Variants in TEX12 observed in about 807,000 individuals in gnomAD.
The protein encoded by TEX12 is testis expressed 12.
A neutral mutation model predicts 14.6 loss-of-function variants in TEX12; 7 were observed. The observed-to-expected ratio is 0.48, with a 90% CI of 0.27 to 0.90. TEX12 has a LOEUF of 0.90. Among genes scored for constraint, TEX12 ranks in the 40% least tolerant of loss-of-function variants. The probability of loss-of-function intolerance (pLI) is 0.12; values close to 1 mark genes in which losing one functional copy is unlikely to be tolerated. For missense variants in TEX12, 121 were observed against 135.7 expected (o/e 0.89, Z 0.54); for synonymous variants, 57 against 49.1 (o/e 1.16, Z -0.67).
rs769891692 is a variant in TEX12, at chr11:112,172,553, A to AC, written c.*639dup. On this transcript the variant is annotated 3_prime_UTR_variant, in exon 5 of 5. Transcript: ENST00000280358. ...GTAAAATAAAAACCAGAAATTACTC[A>AC]CCAGAACCTTGTATGAGTTGGCTTT... 14 of 152,196 alleles carry AC rather than the reference A, an allele frequency of 9.2e-5. No individual in the cohort carries two copies. The highest frequency in any genetic ancestry group is 1.8e-4 in the Non-Finnish European group (12 of 68,006). The allele number at this position is 152,196 out of a possible 1,614,324, so 9.4% of individuals were successfully genotyped here. A position where few individuals can be genotyped will look rare whatever the true frequency, so the allele number is the denominator to read the frequency against.
intron 1 of TEX12, among the ~76,000 whole-genome samples, chr11:112,167,792 C>G (rs971060614): frequency 2.6e-5 from 4 of 151,962 alleles, no homozygotes; most frequent in African/African-American, 9.7e-5. Context: ...TGAGCCATGA[C>G]AGGAAAACGA....
At position 112,170,468 on chromosome 11, in the gene TEX12, C is replaced by T; in HGVS notation, c.113C>T (p.Ser38Leu). Residue 38 changes from serine (S) to leucine (L), a missense_variant, in exon 3 of 5, where the codon TCA becomes TTA. Transcript: ENST00000280358. Reference sequence around the variant, plus strand: ...CTGTCCTCTCTTGGAAAATCAGATTCATCTTTCTCTGAAATTTCCGGACTA... The same window carrying T: ...CTGTCCTCTCTTGGAAAATCAGATTTATCTTTCTCTGAAATTTCCGGACTA... ...PQLSSLGKSD[S>L]SFSEISGLFY... The T allele has an allele frequency of 6.2e-7, 1 of 1,613,732 alleles. No individual in the cohort carries two copies. The highest frequency in any genetic ancestry group is 8.5e-7 in the Non-Finnish European group (1 of 1,179,816).
intron 1 of TEX12, among the ~76,000 whole-genome samples, chr11:112,168,962 G>T (rs1866759337): frequency 6.6e-6 from 1 of 152,196 alleles, no homozygotes. Flanking sequence ...GGGACTAGTA[G>T]GCTTGCACCA....
At position 112,170,536 on chromosome 11, in the gene TEX12, G is replaced by A. The variant is rs184402971; in HGVS notation, c.175+6G>A. On this transcript the variant is annotated splice_donor_region_variant and intron_variant, in intron 3 of 4. Transcript: ENST00000280358. ...CTTGGAGAAAGATTTAAATGGTGAT[G>A]TATAAAATGTTTATATTTCTAAACA... 1 of 1,595,784 alleles carries A rather than the reference G, an allele frequency of 6.3e-7. No individual in the cohort carries two copies. The highest frequency in any genetic ancestry group is 1.3e-5 in the African/African-American group (1 of 74,418).
At position 112,168,651 on chromosome 11, in the gene TEX12, A is replaced by G. The variant is rs190547735; in HGVS notation, c.-16-602A>G. ...ACTGCAACCTCCCTCTCCTGGGTTCAAGCGATTCTCTCACCTCAGCTTCCC... is the reference window on the plus strand; with the variant it reads ...ACTGCAACCTCCCTCTCCTGGGTTCGAGCGATTCTCTCACCTCAGCTTCCC... On this transcript the variant is annotated intron_variant, in intron 1 of 4. Coordinates refer to ENST00000280358, the MANE Select transcript of TEX12 (RefSeq NM_031275.4). Among the ~76,000 whole-genome samples, 851 of 152,062 alleles carry G rather than the reference A, an allele frequency of 5.6e-3. 13 individuals are homozygous for G. The highest frequency in any genetic ancestry group is 0.044 in the South Asian group (210 of 4,818).
intron 2 of TEX12, 140 bp downstream of exon 2, chr11:112,169,471 G>GTTCCTCCTATGTTGTA: frequency 6.2e-6 from 4 of 645,758 alleles, no homozygotes; most frequent in Non-Finnish European, 1.1e-5. Flanking sequence ...CTACAACATA[G>GTTCCTCCTATGTTGTA]GAGGAACTAT....
intron 1 of TEX12, among the ~76,000 whole-genome samples, chr11:112,168,415 G>T (rs1270546695): frequency 6.6e-6 from 1 of 151,762 alleles, no homozygotes; most frequent in Non-Finnish European, 1.5e-5. Flanking sequence ...GTGAGATCTC[G>T]GTTCTAATTT....
chr11:112,172,452 A>G lies in TEX12; in HGVS notation c.*536A>G, dbSNP rs1317290049. On this transcript the variant is annotated 3_prime_UTR_variant, in exon 5 of 5. Transcript: ENST00000280358. ...CATAACTGTGTGCTATTTCCATTTG[A>G]TTATTTTCACTATTAGTTATTATGT... 6.6e-6 allele frequency: 1 copy of G among 152,012 alleles called. No homozygotes were observed. Among genetic ancestry groups the G allele is most frequent in the African/African-American group, 2.4e-5 (1 of 41,432 alleles). 9.4% of individuals were successfully genotyped at this position (152,012 alleles called of 1,614,324 possible). A position where few individuals can be genotyped will look rare whatever the true frequency, so the allele number is the denominator to read the frequency against.
At position 112,169,264 on chromosome 11, in the gene TEX12, G is replaced by C; in HGVS notation, c.-5G>C. On this transcript the variant is annotated 5_prime_UTR_variant, in exon 2 of 5. Transcript: ENST00000280358. ...TCTAAGCTTTGTAGCTGGTGCCTTC[G>C]GAATATGATGGCAAATCACCTTGTA... 6.2e-7 allele frequency: 1 copy of C among 1,612,736 alleles called. No individual in the cohort carries two copies. The highest frequency in any genetic ancestry group is 8.5e-7 in the Non-Finnish European group (1 of 1,178,780).
At chr11:112,170,150 G>A (rs1030650248) in intron 2 of TEX12, among the ~76,000 whole-genome samples, 2 of 152,162 alleles carry the variant, frequency 1.3e-5, no homozygotes, top group African/African-American at 2.4e-5. Flanking sequence ...CTTTGGCCTA[G>A]GTGACAGAGC....
intron 1 of TEX12, among the ~76,000 whole-genome samples, chr11:112,168,717 A>G (rs1247659059): frequency 6.6e-6 from 1 of 151,958 alleles, no homozygotes; most frequent in African/African-American, 2.4e-5. Flanking sequence ...ACGCCTGGCT[A>G]ATGTTTGGAT....
chr11:112,169,348 T>C lies in TEX12; in HGVS notation c.63+17T>C. The C allele has an allele frequency of 6.3e-7, 1 of 1,589,592 alleles. No individual in the cohort carries two copies. Among genetic ancestry groups the C allele is most frequent in the Non-Finnish European group, 8.6e-7 (1 of 1,157,724 alleles). On this transcript the variant is annotated intron_variant, in intron 2 of 4. Transcript: ENST00000280358. ...GAATTGGAGGTAAGCTGTATGCCTA[T>C]GGAGCCTTAATCTTTTATTCTGTTT...
intron 2 of TEX12, 112 bp from the exon 3 acceptor site, chr11:112,170,307 C>T (rs1866774710): frequency 1.5e-6 from 1 of 686,110 alleles, no homozygotes; most frequent in Non-Finnish European, 2.4e-6. Context: ...TGCTTTCTAG[C>T]ATGTTTGCCT....
At chr11:112,170,813 T>G (rs1866781819) in intron 4 of TEX12, 139 bp downstream of exon 4, 1 of 607,724 alleles carries the variant, frequency 1.6e-6, no homozygotes, top group African/African-American at 1.9e-5. Context: ...CCTCAGTCCC[T>G]TATAATAGAT....
intron 1 of TEX12, among the ~76,000 whole-genome samples, 197 bp downstream of exon 1, chr11:112,167,684 AG>A (rs1866743348): frequency 6.6e-6 from 1 of 152,164 alleles, no homozygotes; most frequent in Non-Finnish European, 1.5e-5. Context: ...AGTAACAGCC[AG>A]GTCACTAAGC....
chr11:112,170,624 T>C lies in TEX12; in HGVS notation c.177T>C (p.Asp59=), dbSNP rs202187323. The C allele has an allele frequency of 4.5e-5, 72 of 1,611,492 alleles. No individual in the cohort carries two copies. The highest frequency in any genetic ancestry group is 5.4e-5 in the Non-Finnish European group (64 of 1,178,054). The part of the protein sequence containing the change: ...KDEALEKDLN[D]VSKEINLMLS... ...ACTTAAATGATTTTTCTTGAACAGA[T>C]GTGAGCAAGGAAATTAATCTAATGT... is the stretch of plus-strand genomic sequence containing the variant. Residue 59 remains aspartate (D), a splice_region_variant and synonymous_variant, in exon 4 of 5, where the codon GAT becomes GAC. Transcript: ENST00000280358.
chr11:112,171,925 C>A lies in TEX12; in HGVS notation c.*9C>A. 6.9e-7 allele frequency: 1 copy of A among 1,457,184 alleles called. No individual in the cohort carries two copies. Among genetic ancestry groups the A allele is most frequent in the Non-Finnish European group, 9.1e-7 (1 of 1,099,680 alleles). 90.3% of individuals were successfully genotyped at this position (1,457,184 alleles called of 1,614,324 possible). ...ACACATTACACAGATAAAATATATA[C>A]TTGAAATAAGCTGAGAATTTAAACC... is the stretch of plus-strand genomic sequence containing the variant. On this transcript the variant is annotated 3_prime_UTR_variant, in exon 5 of 5. Transcript: ENST00000280358.
At chr11:112,169,441 T>G (rs981847432) in intron 2 of TEX12, 110 bp downstream of exon 2, 20 of 807,112 alleles carry the variant, frequency 2.5e-5, no homozygotes, top group Non-Finnish European at 3.1e-5. Flanking sequence ...TGTATTCGTA[T>G]GCCCAGAGCT....
At chr11:112,169,208 G>A (rs1391072690) in intron 1 of TEX12, 45 bp from the exon 2 acceptor site, 2 of 1,283,302 alleles carry the variant, frequency 1.6e-6, no homozygotes, top group Non-Finnish European at 2.3e-6. Context: ...AGAGCTTGTA[G>A]CATGGAGTTT....
Sources: allele counts gnomAD v4.1 joint callset (sites outside exome capture counted in the v4.1 genomes callset), GRCh38; gene constraint gnomAD v4.1.1; transcripts MANE v1.5; gene names NCBI Gene and HGNC (gene_info 2026-07-23, HGNC 2026-07-21).